EPHB2: variants seen among roughly 807,000 people sequenced by gnomAD.
EPHB2 encodes ephrin type-B receptor 2.
A neutral mutation model predicts 96.4 loss-of-function variants in EPHB2; 18 were observed. The observed-to-expected ratio is 0.19, with a 90% CI of 0.13 to 0.28. The LOEUF (loss-of-function observed/expected upper bound fraction) is 0.28, where lower values mean the gene tolerates loss of function less well. Ranked by LOEUF, EPHB2 falls within the 10% of genes least tolerant of loss-of-function variation. The probability of loss-of-function intolerance (pLI) is 1.00; values close to 1 mark genes in which losing one functional copy is unlikely to be tolerated. For missense variants in EPHB2, 989 were observed against 1,355.4 expected (o/e 0.73, Z 4.25); for synonymous variants, 506 against 534.1 (o/e 0.95, Z 0.72).
intron 1 of EPHB2, among the ~76,000 whole-genome samples, chr1:22,763,303 C>T (rs1644260279): frequency 6.6e-6 from 1 of 152,170 alleles, no homozygotes; most frequent in Non-Finnish European, 1.5e-5. Context: ...GAGTCCTGGG[C>T]AGGGTTTGGT....
intron 13 of EPHB2, among the ~76,000 whole-genome samples, chr1:22,910,115 C>T (rs917658735): frequency 3.3e-5 from 5 of 152,012 alleles, no homozygotes; most frequent in Admixed American, 6.6e-5. Context: ...TCTTGGTGGA[C>T]CCTGGGGAGA....
At position 22,805,151 on chromosome 1, in the gene EPHB2, C is replaced by T. The variant is rs112243584; in HGVS notation, c.811+20075C>T. 4.3e-4 allele frequency among the ~76,000 whole-genome samples: 65 copies of T among 151,958 alleles called. 1 individual carries two copies. Among genetic ancestry groups the T allele is most frequent in the African/African-American group, 1.5e-3 (64 of 41,410 alleles). ...TGGCATCCTGCAGGTACGGGATGAG[C>T]CATGCACCCGGAGTCCACACCAGAC... On this transcript the variant is annotated intron_variant, in intron 3 of 15. Transcript: ENST00000374630.
intron 1 of EPHB2, among the ~76,000 whole-genome samples, chr1:22,769,674 C>G (rs1005857402): frequency 6.6e-6 from 1 of 152,186 alleles, no homozygotes; most frequent in African/African-American, 2.4e-5. Flanking sequence ...TCCCAAAGTG[C>G]TGGGATTACA....
At position 22,748,672 on chromosome 1, in the gene EPHB2, G is replaced by A. The variant is rs117684327; in HGVS notation, c.62-32749G>A. 6.4e-3 allele frequency among the ~76,000 whole-genome samples: 969 copies of A among 151,512 alleles called. 48 individuals carry two copies. In the East Asian group the frequency reaches 0.14, roughly 22 times the overall value. On this transcript the variant is annotated intron_variant, in intron 1 of 15. Transcript: ENST00000374630. ...TGAGATTACAGGCGTGAGCCACTGC[G>A]CCCAGCTCTGGGTCCTCTTTTTACA...
At chr1:22,877,679 G>A (rs1439722061) in intron 5 of EPHB2, among the ~76,000 whole-genome samples, 4 of 152,210 alleles carry the variant, frequency 2.6e-5, no homozygotes, top group African/African-American at 9.7e-5. Flanking sequence ...GCAAGCAGCC[G>A]CGTGGCAGGT....
chr1:22,842,806 T>A (rs1645488992), intron 3 of EPHB2, among the ~76,000 whole-genome samples: 1 of 152,126 alleles, frequency 6.6e-6, no homozygotes. Context: ...CTGTTCCCTC[T>A]GCCTGGAATA....
intron 3 of EPHB2, among the ~76,000 whole-genome samples, chr1:22,799,189 G>A (rs1471371328): frequency 1.3e-5 from 2 of 152,148 alleles, no homozygotes; most frequent in Non-Finnish European, 2.9e-5. Flanking sequence ...GTCACCGTCT[G>A]TAGAATGTGC....
At chr1:22,765,604 G>A (rs1370148663) in intron 1 of EPHB2, among the ~76,000 whole-genome samples, 2 of 149,984 alleles carry the variant, frequency 1.3e-5, no homozygotes, top group African/African-American at 2.5e-5. Flanking sequence ...CTCCTTTGCT[G>A]GAACCCTGGG....
chr1:22,884,247 T>G (rs1460461694), intron 6 of EPHB2, among the ~76,000 whole-genome samples: 3 of 152,216 alleles, frequency 2.0e-5, no homozygotes, highest in African/African-American at 7.2e-5. Context: ...GGCTCACGCC[T>G]GTAATCCCAG....
At chr1:22,869,432 G>A (rs1485933940) in intron 5 of EPHB2, among the ~76,000 whole-genome samples, 1 of 152,000 alleles carries the variant, frequency 6.6e-6, no homozygotes, top group Non-Finnish European at 1.5e-5. Context: ...GGCCCAAGAG[G>A]TGCTGGGGGA....
chr1:22,910,925 G>A (rs1471180595), intron 14 of EPHB2, among the ~76,000 whole-genome samples: 5 of 152,072 alleles, frequency 3.3e-5, no homozygotes, highest in Admixed American at 3.3e-4. Context: ...ATCGCCTGAG[G>A]ACAGGAGTTC....
At chr1:22,711,254 G>A (rs1246033442) in intron 1 of EPHB2, among the ~76,000 whole-genome samples, 1 of 147,440 alleles carries the variant, frequency 6.8e-6, no homozygotes, top group African/African-American at 2.4e-5. Flanking sequence ...GACTGTGCCA[G>A]GAGGAGGCGA....
intron 3 of EPHB2, among the ~76,000 whole-genome samples, chr1:22,847,355 C>A (rs892794473): frequency 6.6e-6 from 1 of 152,148 alleles, no homozygotes; most frequent in Admixed American, 6.5e-5. Flanking sequence ...GGAAGCACAG[C>A]CCCCTGATAA....
chr1:22,720,806 C>T (rs530418775), intron 1 of EPHB2, among the ~76,000 whole-genome samples: 34 of 152,146 alleles, frequency 2.2e-4, no homozygotes, highest in South Asian at 1.0e-3. Flanking sequence ...GTGCAATAAA[C>T]GAACCTAAAA....
chr1:22,872,949 C>G (rs1223075232), intron 5 of EPHB2, among the ~76,000 whole-genome samples: 1 of 152,220 alleles, frequency 6.6e-6, no homozygotes, highest in East Asian at 1.9e-4. Context: ...CACTTCCCTC[C>G]CTGGGCCGAG....
chr1:22,872,836 C>T lies in EPHB2; in HGVS notation c.1303+7624C>T, dbSNP rs546484009. On this transcript the variant is annotated intron_variant, in intron 5 of 15. Coordinates refer to ENST00000374630, the MANE Select transcript of EPHB2 (RefSeq NM_017449.5). ...CATGAACGTGTACTCACCTACTTCT[C>T]TCCCTGGGGGACCAAGAGGATCAGA... Among the ~76,000 whole-genome samples, 3 of 152,340 alleles carry T rather than the reference C, an allele frequency of 2.0e-5. 1 individual carries two copies. Among genetic ancestry groups the T allele is most frequent in the African/African-American group, 7.2e-5 (3 of 41,592 alleles).
intron 1 of EPHB2, among the ~76,000 whole-genome samples, chr1:22,725,957 T>C (rs1254346997): frequency 6.6e-6 from 1 of 152,078 alleles, no homozygotes; most frequent in Non-Finnish European, 1.5e-5. Context: ...CTGCTAGGCT[T>C]CTGGGATAGC....
chr1:22,851,042 T>G (rs1468037587), intron 3 of EPHB2, among the ~76,000 whole-genome samples: 1 of 152,232 alleles, frequency 6.6e-6, no homozygotes, highest in Non-Finnish European at 1.5e-5. Flanking sequence ...TTGCCCAGAT[T>G]GGAGTGCAGT....
intron 3 of EPHB2, among the ~76,000 whole-genome samples, chr1:22,810,153 T>C (rs1644982315): frequency 6.6e-6 from 1 of 152,112 alleles, no homozygotes; most frequent in Non-Finnish European, 1.5e-5. Flanking sequence ...CTTAGAGGGT[T>C]GGACTAGGCA....
Sources: allele counts gnomAD v4.1 joint callset (sites outside exome capture counted in the v4.1 genomes callset), GRCh38; gene constraint gnomAD v4.1.1; transcripts MANE v1.5; gene names NCBI Gene and HGNC (gene_info 2026-07-23, HGNC 2026-07-21).